The following CHD3 variants were observed in gnomAD, a reference collection of about 807,000 sequenced individuals.
CHD3 encodes chromodomain helicase DNA binding protein 3.
In CHD3, 52 loss-of-function variants were observed where a neutral mutation model predicts 248.9. That is an observed-to-expected ratio of 0.21 (90% confidence interval 0.17 to 0.26). The LOEUF is 0.26. Among genes scored for constraint, CHD3 ranks in the 10% least tolerant of loss-of-function variants. The probability of loss-of-function intolerance (pLI) is 1.00; values close to 1 mark genes in which losing one functional copy is unlikely to be tolerated. For missense variants in CHD3, 1,482 were observed against 2,605.8 expected (o/e 0.57, Z 9.39); for synonymous variants, 985 against 985.2 (o/e 1.00, Z 0.00).
At chr17:7,898,418 T>C in intron 12 of CHD3, 78 bp from the exon 13 acceptor site, 1 of 1,041,110 alleles carries the variant, frequency 9.6e-7, no homozygotes. Flanking sequence ...CAGTGGGAAG[T>C]AGGTCTGGAA....
rs114834229 is a variant in CHD3 at position 7,889,590 on chromosome 17, G to A, written c.101-74G>A. On this transcript the variant is annotated intron_variant, in intron 1 of 39. Coordinates refer to ENST00000330494, the MANE Select transcript of CHD3 (RefSeq NM_001005273.3). The surrounding 1 kb of genome is among the most constrained non-coding windows in gnomAD (Gnocchi z 4.5). ...AGAGAGTGGGAACTGCCGAGGTGGG[G>A]AAGGGGCAAGTTGAGGGGCCTCAGA... 1.2e-3 allele frequency: 1,581 copies of A among 1,292,968 alleles called. 19 individuals carry two copies. The African/African-American group carries it at 0.021, about 17-fold the overall frequency. 80.1% of individuals were successfully genotyped at this position (1,292,968 alleles called of 1,614,324 possible). A position where few individuals can be genotyped will look rare whatever the true frequency, so the allele number is the denominator to read the frequency against.
chr17:7,897,188 G>A lies in CHD3; in HGVS notation c.1813G>A (p.Asp605Asn), dbSNP rs1567849628. The A allele has an allele frequency of 3.1e-6, 5 of 1,614,168 alleles. No homozygotes were observed. The highest frequency in any genetic ancestry group is 1.7e-4 in the Middle Eastern group (1 of 6,060). ...YGSGEDDGKS[D>N]KRKVKDPHYA... ...CTCCGGCGAGGATGATGGGAAGAGC[G>A]ACAAGCGTAAAGTGAAAGACCCGCA... Residue 605 changes from aspartate (D) to asparagine (N), a missense_variant, in exon 11 of 40, where the codon GAC (aspartate) becomes AAC (asparagine). Transcript: ENST00000330494. This position sits in a 1 kb window ranked among gnomAD's most constrained non-coding sequence, Gnocchi z 4.8.
In CHD3 at chr17:7,904,993, A is replaced by C; in HGVS notation, c.4073-107A>C. The C allele has an allele frequency of 2.9e-6, 3 of 1,048,332 alleles. No individual in the cohort carries two copies. The highest frequency in any genetic ancestry group is 4.5e-6 in the Non-Finnish European group (3 of 671,574). 64.9% of individuals were successfully genotyped at this position (1,048,332 alleles called of 1,614,324 possible). On this transcript the variant is annotated intron_variant, in intron 25 of 39. Coordinates refer to ENST00000330494, the MANE Select transcript of CHD3 (RefSeq NM_001005273.3). The surrounding 1 kb of genome is among the most constrained non-coding windows in gnomAD (Gnocchi z 4.4). ...TGTTCCCAGAAGGACCAAGGCCAGAATAAAGGTAGACAAGTCTCGGCAGGG... is the reference window on the plus strand; with the variant it reads ...TGTTCCCAGAAGGACCAAGGCCAGACTAAAGGTAGACAAGTCTCGGCAGGG...
rs142817060 is a variant in CHD3 at position 7,906,871 on chromosome 17, G to A, written c.4506G>A (p.Val1502=). 1 of 1,613,944 alleles carries A rather than the reference G, an allele frequency of 6.2e-7. No homozygotes were observed. Among genetic ancestry groups the A allele is most frequent in the African/African-American group, 1.3e-5 (1 of 74,886 alleles). The change falls in exon 30 of 40, where the codon GTG becomes GTA. Residue 1502 remains valine, a splice_region_variant and synonymous_variant. Coordinates refer to ENST00000330494, the MANE Select transcript of CHD3 (RefSeq NM_001005273.3). The surrounding 1 kb of genome is among the most constrained non-coding windows in gnomAD (Gnocchi z 5.0). ...IGVMSLVKKK[V]QEFEHINGRW... ...ACCCTCCCACCCTGCCACCCCAGGT[G>A]CAGGAGTTTGAGCACATCAATGGGC...
upstream of CHD3, chr17:7,888,701 T>G: frequency 1.6e-6 from 1 of 611,380 alleles, no homozygotes; most frequent in Non-Finnish European, 2.3e-6. Context: ...TCTGGATTTG[T>G]GGGCCTGAGA....
In CHD3 at chr17:7,897,311, T is replaced by C. The variant is rs377400905; in HGVS notation, c.1919+17T>C. On this transcript the variant is annotated intron_variant, in intron 11 of 39. Coordinates refer to ENST00000330494, the MANE Select transcript of CHD3 (RefSeq NM_001005273.3). This position sits in a 1 kb window ranked among gnomAD's most constrained non-coding sequence, Gnocchi z 4.8. The stretch of plus-strand genomic sequence containing the variant: ...CAACCACAGGTGAATCCTCGGTCCC[T>C]GGGAAGTCAGACCTGGTATATGACA... 3,862 of 1,608,262 alleles carry C rather than the reference T, an allele frequency of 2.4e-3. 65 individuals carry two copies. In the South Asian group the frequency reaches 0.026, roughly 11 times the overall value.
chr17:7,896,221 C>CT, intron 10 of CHD3, among the ~76,000 whole-genome samples: 1 of 96,316 alleles, frequency 1.0e-5, no homozygotes, highest in South Asian at 3.4e-4. Context: ...GAGCGACACT[C>CT]TATCTCAAAA....
chr17:7,895,704 T>G lies in CHD3; in HGVS notation c.1707+162T>G. 2 of 638,106 alleles carry G rather than the reference T, an allele frequency of 3.1e-6. No individual in the cohort carries two copies. Among genetic ancestry groups the G allele is most frequent in the Non-Finnish European group, 5.5e-6 (2 of 365,636 alleles). 39.5% of individuals were successfully genotyped at this position (638,106 alleles called of 1,614,324 possible). On this transcript the variant is annotated intron_variant, in intron 10 of 39. Transcript: ENST00000330494. The surrounding 1 kb of genome is among the most constrained non-coding windows in gnomAD (Gnocchi z 4.9). ...TGCTTAGTTTCCATATGTGGTTCTTTTGGTCTACAGTCCTCTTTCTCTCAG... is the reference window on the plus strand; with the variant it reads ...TGCTTAGTTTCCATATGTGGTTCTTGTGGTCTACAGTCCTCTTTCTCTCAG...
Position 7,906,068 on chromosome 17 carries a change from T to C in CHD3, c.4358+79T>C. Reference sequence around the variant, plus strand: ...GTTCCTTTCTTCCTTGGGGCCGCCATATGATGTGACCTTACTCAACTGATT... The same window carrying C: ...GTTCCTTTCTTCCTTGGGGCCGCCACATGATGTGACCTTACTCAACTGATT... On this transcript the variant is annotated intron_variant, in intron 28 of 39. Coordinates refer to ENST00000330494, the MANE Select transcript of CHD3 (RefSeq NM_001005273.3). This position sits in a 1 kb window ranked among gnomAD's most constrained non-coding sequence, Gnocchi z 5.0. 5 of 1,579,224 alleles carry C rather than the reference T, an allele frequency of 3.2e-6. No homozygotes were observed. Among genetic ancestry groups the C allele is most frequent in the Non-Finnish European group, 8.7e-7 (1 of 1,153,662 alleles).
chr17:7,900,444 TGA>T lies in CHD3; in HGVS notation c.2804+37_2804+38del. On this transcript the variant is annotated intron_variant, in intron 17 of 39. Coordinates refer to ENST00000330494, the MANE Select transcript of CHD3 (RefSeq NM_001005273.3). The surrounding 1 kb of genome is among the most constrained non-coding windows in gnomAD (Gnocchi z 6.5). ...GTTCCCTAAGGGTAGTTGGCAGAGA[TGA>T]GAGGTGGAGCAGATAAAATGAGCTG... is the stretch of plus-strand genomic sequence containing the variant. The T allele has an allele frequency of 6.2e-7, 1 of 1,613,792 alleles. No homozygotes were observed. The highest frequency in any genetic ancestry group is 8.5e-7 in the Non-Finnish European group (1 of 1,179,878).
Position 7,909,084 on chromosome 17 carries a change from C to T in CHD3, c.5395-59C>T. On this transcript the variant is annotated intron_variant, in intron 36 of 39. Coordinates refer to ENST00000330494, the MANE Select transcript of CHD3 (RefSeq NM_001005273.3). The surrounding 1 kb of genome is among the most constrained non-coding windows in gnomAD (Gnocchi z 8.1). Reference sequence around the variant, plus strand: ...GGGTCTCTTGCTATGTCCGCCCCCCCAGCCCCTCACCCACTGCTGGCAGAG... The same window carrying T: ...GGGTCTCTTGCTATGTCCGCCCCCCTAGCCCCTCACCCACTGCTGGCAGAG... 6.5e-7 allele frequency: 1 copy of T among 1,546,344 alleles called. No individual in the cohort carries two copies.
chr17:7,893,620 C>A, intron 5 of CHD3, 51 bp downstream of exon 5: 1 of 1,536,198 alleles, frequency 6.5e-7, no homozygotes, highest in South Asian at 1.3e-5. Flanking sequence ...AACTGCATGT[C>A]TTCACATTAG....
chr17:7,898,416 A>G, intron 12 of CHD3, 80 bp from the exon 13 acceptor site: 2 of 1,025,240 alleles, frequency 2.0e-6, no homozygotes, highest in South Asian at 1.4e-5. Flanking sequence ...GACAGTGGGA[A>G]GTAGGTCTGG....
rs747871940 is a variant in CHD3 at position 7,901,214 on chromosome 17, C to CCGT, written c.3121-29_3121-28insGTC. 42 of 1,572,288 alleles carry CCGT rather than the reference C, an allele frequency of 2.7e-5. No homozygotes were observed. In the Admixed American group the frequency reaches 6.2e-4, roughly 23 times the overall value. Reference sequence around the variant, plus strand: ...TATGGGGGCATGTTTCCAACTGACCCCCTCCTCCTCCTCTCTCCTCCCTTT... The same window carrying CCGT: ...TATGGGGGCATGTTTCCAACTGACCCCGTCCTCCTCCTCCTCTCTCCTCCCTTT... On this transcript the variant is annotated intron_variant, in intron 19 of 39. Transcript: ENST00000330494.
chr17:7,902,651 T>C lies in CHD3; in HGVS notation c.3294T>C (p.Tyr1098=), dbSNP rs780307323. 4 of 1,614,016 alleles carry C rather than the reference T, an allele frequency of 2.5e-6. No homozygotes were observed. The highest frequency in any genetic ancestry group is 1.7e-6 in the Non-Finnish European group (2 of 1,179,950). Residue 1098 remains tyrosine, a synonymous_variant, in exon 21 of 40, where the codon TAT becomes TAC. Coordinates refer to ENST00000330494, the MANE Select transcript of CHD3 (RefSeq NM_001005273.3). Reference sequence around the variant, plus strand: ...ACTTGCTTGAGGACTTCTTAGACTATGAAGGCTACAAGTATGAGCGCATCG... The same window carrying C: ...ACTTGCTTGAGGACTTCTTAGACTACGAAGGCTACAAGTATGAGCGCATCG... ...MLDLLEDFLD[Y]EGYKYERIDG... is the part of the protein sequence containing the mutation.
At position 7,889,166 on chromosome 17, in the gene CHD3, T is replaced by C. The variant is rs1362126093; in HGVS notation, c.100+66T>C. ...GCAAAAGGATGTCAGGGCCCCAGGG[T>C]GTTAGTGTGAGAACCCAGGTGTCCA... On this transcript the variant is annotated intron_variant, in intron 1 of 39. Transcript: ENST00000330494. The surrounding 1 kb of genome is among the most constrained non-coding windows in gnomAD (Gnocchi z 4.5). 6.2e-7 allele frequency: 1 copy of C among 1,602,734 alleles called. No homozygotes were observed. The highest frequency in any genetic ancestry group is 8.5e-7 in the Non-Finnish European group (1 of 1,172,258).
At position 7,895,496 on chromosome 17, in the gene CHD3, G is replaced by A; in HGVS notation, c.1661G>A (p.Trp554Ter). ...TCAGAGCGAGAGTTCTTTGTCAAGT[G>A]GGTAGGACTATCCTACTGGCACTGC... ...GRSEREFFVK[W>*]VGLSYWHCSW... Residue 554 changes from tryptophan (W) to a stop codon, truncating the protein, a stop_gained, in exon 10 of 40, where the codon TGG becomes TAG. Coordinates refer to ENST00000330494, the MANE Select transcript of CHD3 (RefSeq NM_001005273.3). LOFTEE classifies it high-confidence loss of function. This position sits in a 1 kb window ranked among gnomAD's most constrained non-coding sequence, Gnocchi z 4.9. 1 of 1,614,018 alleles carries A rather than the reference G, an allele frequency of 6.2e-7. No homozygotes were observed. Among genetic ancestry groups the A allele is most frequent in the Non-Finnish European group, 8.5e-7 (1 of 1,180,012 alleles).
intron 10 of CHD3, among the ~76,000 whole-genome samples, chr17:7,896,514 TC>T (rs1324055867): frequency 6.6e-6 from 1 of 151,548 alleles, no homozygotes; most frequent in Non-Finnish European, 1.5e-5. Flanking sequence ...CAAGCGATTC[TC>T]CTGCCTCAGC....
At chr17:7,890,774 C>A (rs1388866451) in intron 3 of CHD3, 33 bp downstream of exon 3, 2 of 1,585,918 alleles carry the variant, frequency 1.3e-6, no homozygotes, top group South Asian at 2.3e-5. Context: ...AGTGAGAAAT[C>A]TGCATTAAAG....
Sources: allele counts gnomAD v4.1 joint callset (sites outside exome capture counted in the v4.1 genomes callset), GRCh38; gene constraint gnomAD v4.1.1; non-coding constraint Gnocchi (gnomAD v3.1); transcripts MANE v1.5; gene names NCBI Gene and HGNC (gene_info 2026-07-23, HGNC 2026-07-21).